The following IGFBP4 variants were observed in gnomAD, a reference collection of about 807,000 sequenced individuals.
IGFBP4 encodes insulin like growth factor binding protein 4.
A neutral mutation model predicts 25.8 loss-of-function variants in IGFBP4; 9 were observed. That is an observed-to-expected ratio of 0.35 (90% CI 0.21 to 0.61). The LOEUF (loss-of-function observed/expected upper bound fraction) is 0.61. Among genes scored for constraint, IGFBP4 ranks in the 20% least tolerant of loss-of-function variants. IGFBP4 has a pLI of 0.77. For missense variants in IGFBP4, 315 were observed against 365.3 expected (o/e 0.86, Z 1.12); for synonymous variants, 153 against 153.9 (o/e 0.99, Z 0.05).
rs764525414 is a variant in IGFBP4 at position 40,453,054 on chromosome 17, A to G, written c.419A>G (p.Gln140Arg). ...AGCGCCCATGACCGCAGGTGCCTGC[A>G]GAAGCACTTCGCCAAAATTCGAGAC... ...PCSAHDRRCL[Q>R]KHFAKIRDRS... The change falls in exon 2 of 4, where the codon CAG becomes CGG. Residue 140 changes from glutamine (Q) to arginine (R), a missense_variant. By Grantham distance (43) the Gln-to-Arg change is conservative. Transcript: ENST00000269593. This position sits in a 1 kb window ranked among gnomAD's most constrained non-coding sequence, Gnocchi z 4.0. The G allele has an allele frequency of 6.2e-7, 1 of 1,602,174 alleles. No homozygotes were observed. Among genetic ancestry groups the G allele is most frequent in the Non-Finnish European group, 8.5e-7 (1 of 1,174,274 alleles).
chr17:40,452,903 A>G (rs927488938), intron 1 of IGFBP4, 82 bp from the exon 2 acceptor site: 6 of 1,166,470 alleles, frequency 5.1e-6, no homozygotes, highest in Admixed American at 2.9e-5. Context: ...CCCAGGAAGG[A>G]GAACGTGGGT....
At chr17:40,444,924 CACAGAGACAGAGAGAGAGAG>C (rs780877737) in intron 1 of IGFBP4, among the ~76,000 whole-genome samples, 12,190 of 95,840 alleles carry the variant, frequency 0.13, 868 homozygotes, top group East Asian at 0.32. Flanking sequence ...CACACACACA[CACAGAGACAGAGAGAGAGAG>C]AGAGAGAGAG....
rs190886856 is a variant in IGFBP4 at position 40,456,741 on chromosome 17, G to A, written c.*158G>A. 50 of 636,796 alleles carry A rather than the reference G, an allele frequency of 7.9e-5. No individual in the cohort carries two copies. The highest frequency in any genetic ancestry group is 8.8e-4 in the Middle Eastern group (2 of 2,266). 39.4% of individuals were successfully genotyped at this position (636,796 alleles called of 1,614,324 possible). A position where few individuals can be genotyped will look rare whatever the true frequency, so the allele number is the denominator to read the frequency against. On this transcript the variant is annotated 3_prime_UTR_variant, in exon 4 of 4. Coordinates refer to ENST00000269593, the MANE Select transcript of IGFBP4 (RefSeq NM_001552.3). Reference sequence around the variant, plus strand: ...CGTGTGCACGTGTGCGTGTGCGTGCGTGTGTGTGTGTTTGTGAGCATGGGT... The same window carrying A: ...CGTGTGCACGTGTGCGTGTGCGTGCATGTGTGTGTGTTTGTGAGCATGGGT...
In IGFBP4 at chr17:40,443,817, C is replaced by T; in HGVS notation, c.82C>T (p.Pro28Ser). 1 of 1,531,194 alleles carries T rather than the reference C, an allele frequency of 6.5e-7. No individual in the cohort carries two copies. The highest frequency in any genetic ancestry group is 2.5e-5 in the East Asian group (1 of 40,126). 94.9% of individuals were successfully genotyped at this position (1,531,194 alleles called of 1,614,324 possible). A position where few individuals can be genotyped will look rare whatever the true frequency, so the allele number is the denominator to read the frequency against. ...PSLGDEAIHC[P>S]PCSEEKLARC... ...CCTGGGCGACGAAGCCATCCACTGCCCGCCCTGCTCCGAGGAGAAGCTGGC... is the reference window on the plus strand; with the variant it reads ...CCTGGGCGACGAAGCCATCCACTGCTCGCCCTGCTCCGAGGAGAAGCTGGC... Residue 28 changes from proline (P) to serine (S), a missense_variant, in exon 1 of 4, where the codon CCG becomes TCG. Transcript: ENST00000269593.
chr17:40,448,339 T>G (rs1020571004), intron 1 of IGFBP4, among the ~76,000 whole-genome samples: 2 of 152,212 alleles, frequency 1.3e-5, no homozygotes, highest in African/African-American at 2.4e-5. Context: ...TGTGGCCTCT[T>G]CTCTGGCGCC....
At position 40,456,611 on chromosome 17, in the gene IGFBP4, G is replaced by A. The variant is rs768221515; in HGVS notation, c.*28G>A. 5.0e-6 allele frequency: 8 copies of A among 1,604,688 alleles called. No homozygotes were observed. Among genetic ancestry groups the A allele is most frequent in the South Asian group, 1.1e-5 (1 of 90,742 alleles). ...CCTGCCAGCAGGCCAGGGACTCAGCGTCCCCTGCTACTCCTGTGCTCTGGA... is the reference window on the plus strand; with the variant it reads ...CCTGCCAGCAGGCCAGGGACTCAGCATCCCCTGCTACTCCTGTGCTCTGGA... On this transcript the variant is annotated 3_prime_UTR_variant, in exon 4 of 4. Transcript: ENST00000269593.
At chr17:40,444,914 CACACACACACACAGAGACAG>C (rs1418971166) in intron 1 of IGFBP4, among the ~76,000 whole-genome samples, 87 of 87,974 alleles carry the variant, frequency 9.9e-4, no homozygotes, top group African/African-American at 3.5e-3. Context: ...CACACACACA[CACACACACACACAGAGACAG>C]AGAGAGAGAG....
intron 1 of IGFBP4, among the ~76,000 whole-genome samples, chr17:40,445,684 G>C (rs1279672495): frequency 6.6e-6 from 1 of 152,182 alleles, no homozygotes; most frequent in Non-Finnish European, 1.5e-5. Context: ...GGAGAAAGTC[G>C]CTAATCTTGG....
Position 40,454,050 on chromosome 17 carries a change from C to G in IGFBP4, c.630C>G (p.Phe210Leu). 6.2e-7 allele frequency: 1 copy of G among 1,612,392 alleles called. No individual in the cohort carries two copies. Among genetic ancestry groups the G allele is most frequent in the Non-Finnish European group, 8.5e-7 (1 of 1,179,316 alleles). ...PIPNCDRNGNFHPKQCHPALD... is the reference protein window; with the variant it reads ...PIPNCDRNGNLHPKQCHPALD... ...CCAACTGCGACCGCAACGGCAACTTCCACCCCAAGCAGGTGGGTCTCTGTC... is the reference window on the plus strand; with the variant it reads ...CCAACTGCGACCGCAACGGCAACTTGCACCCCAAGCAGGTGGGTCTCTGTC... Residue 210 changes from phenylalanine to leucine, a missense_variant, in exon 3 of 4, where the codon TTC becomes TTG. Coordinates refer to ENST00000269593, the MANE Select transcript of IGFBP4 (RefSeq NM_001552.3).
chr17:40,449,884 G>A (rs1232192049), intron 1 of IGFBP4, among the ~76,000 whole-genome samples: 1 of 152,104 alleles, frequency 6.6e-6, no homozygotes, highest in Non-Finnish European at 1.5e-5. Flanking sequence ...TCCAGGGTGG[G>A]AGCTCACTAC....
Position 40,443,681 on chromosome 17 carries a change from C to T in IGFBP4, c.-55C>T. 1 of 1,056,828 alleles carries T rather than the reference C, an allele frequency of 9.5e-7. No homozygotes were observed. The highest frequency in any genetic ancestry group is 1.2e-6 in the Non-Finnish European group (1 of 849,376). 65.5% of individuals were successfully genotyped at this position (1,056,828 alleles called of 1,614,324 possible). ...GCCCTCCGCCGCTCGCCCGCGCGCC[C>T]GCGCTCCCCGCCTGCGCCCAGCGCC... On this transcript the variant is annotated 5_prime_UTR_variant, in exon 1 of 4. Transcript: ENST00000269593.
rs922626650 is a variant in IGFBP4 at position 40,455,036 on chromosome 17, A to G, written c.642+974A>G. On this transcript the variant is annotated intron_variant, in intron 3 of 3. Transcript: ENST00000269593. ...GCACCCCAAAACCAATGCCCAGCCTATTTCTAACCTTTATCCTAACACGAA... is the reference window on the plus strand; with the variant it reads ...GCACCCCAAAACCAATGCCCAGCCTGTTTCTAACCTTTATCCTAACACGAA... Among the ~76,000 whole-genome samples, 9 of 152,186 alleles carry G rather than the reference A, an allele frequency of 5.9e-5. No individual in the cohort carries two copies. In the South Asian group the frequency reaches 1.9e-3, roughly 32 times the overall value.
intron 3 of IGFBP4, among the ~76,000 whole-genome samples, chr17:40,454,340 C>T (rs1001807781): frequency 6.6e-6 from 1 of 152,198 alleles, no homozygotes; most frequent in African/African-American, 2.4e-5. Flanking sequence ...GGCAATTTCC[C>T]TCACCCCTGG....
At position 40,443,778 on chromosome 17, in the gene IGFBP4, G is replaced by A. The variant is rs770686861; in HGVS notation, c.43G>A (p.Gly15Arg). Residue 15 changes from glycine (G) to arginine (R), a missense_variant, in exon 1 of 4, where the codon GGG becomes AGG. Gly to Arg is a moderately radical substitution (Grantham distance 125). Coordinates refer to ENST00000269593, the MANE Select transcript of IGFBP4 (RefSeq NM_001552.3). ...CGTGGCCGCCCTGCTGCTGGCCGCC[G>A]GGCCCGGGCCGAGCCTGGGCGACGA... is the stretch of plus-strand genomic sequence containing the variant. ...CLVAALLLAA[G>R]PGPSLGDEAI... The A allele has an allele frequency of 4.0e-6, 6 of 1,506,894 alleles. No individual in the cohort carries two copies. In the African/African-American group the frequency reaches 7.3e-5, roughly 18 times the overall value. The allele number at this position is 1,506,894 out of a possible 1,614,324, so 93.3% of individuals were successfully genotyped here.
At chr17:40,446,548 G>A (rs1210986978) in intron 1 of IGFBP4, among the ~76,000 whole-genome samples, 1 of 152,110 alleles carries the variant, frequency 6.6e-6, no homozygotes, top group Non-Finnish European at 1.5e-5. Flanking sequence ...CCCGGGAGGT[G>A]GAGGTTGCAG....
At chr17:40,446,112 G>T (rs2035643397) in intron 1 of IGFBP4, among the ~76,000 whole-genome samples, 1 of 147,448 alleles carries the variant, frequency 6.8e-6, no homozygotes. Context: ...TGGGAGGATT[G>T]CTTGAGGCCA....
In IGFBP4 at chr17:40,456,604, A is replaced by T; in HGVS notation, c.*21A>T. 6.2e-7 allele frequency: 1 copy of T among 1,607,696 alleles called. No individual in the cohort carries two copies. The highest frequency in any genetic ancestry group is 8.5e-7 in the Non-Finnish European group (1 of 1,177,646). On this transcript the variant is annotated 3_prime_UTR_variant, in exon 4 of 4. Transcript: ENST00000269593. ...AGTGAGGCCTGCCAGCAGGCCAGGG[A>T]CTCAGCGTCCCCTGCTACTCCTGTG...
chr17:40,455,524 C>A (rs569800924), intron 3 of IGFBP4, among the ~76,000 whole-genome samples: 1 of 151,772 alleles, frequency 6.6e-6, no homozygotes, highest in Non-Finnish European at 1.5e-5. Context: ...CTCTTGTTGC[C>A]GAGGCTGGAG....
Position 40,456,917 on chromosome 17 carries a change from T to C in IGFBP4, c.*334T>C. The C allele has an allele frequency of 3.4e-6, 1 of 298,346 alleles. No individual in the cohort carries two copies. Among genetic ancestry groups the C allele is most frequent in the Non-Finnish European group, 6.2e-6 (1 of 161,226 alleles). 18.5% of individuals were successfully genotyped at this position (298,346 alleles called of 1,614,324 possible). A position where few individuals can be genotyped will look rare whatever the true frequency, so the allele number is the denominator to read the frequency against. ...ACTCACTCACTCATTCCTTCACTCA[T>C]CCAGCCACCTAAAAACATTTACTGA... On this transcript the variant is annotated 3_prime_UTR_variant, in exon 4 of 4. Transcript: ENST00000269593.
Sources: gnomAD v4.1 joint callset for allele counts (sites outside exome capture counted in the v4.1 genomes callset) on GRCh38, gnomAD v4.1.1 for gene constraint, Gnocchi (gnomAD v3.1) non-coding constraint, MANE v1.5 for transcripts, NCBI Gene and HGNC (gene_info 2026-07-23, HGNC 2026-07-21) for gene names.